Variants in SLC6A16 observed in about 807,000 individuals in gnomAD.
SLC6A16 encodes orphan sodium- and chloride-dependent neurotransmitter transporter NTT5.
Under a neutral mutation model 65.4 loss-of-function variants are expected in SLC6A16, and 54 were observed. The observed-to-expected ratio is 0.83, with a 90% CI of 0.66 to 1.04. The LOEUF (loss-of-function observed/expected upper bound fraction) is 1.04, where lower values mean the gene tolerates loss of function less well. Among genes scored for constraint, SLC6A16 ranks in the 50% least tolerant of loss-of-function variants. The pLI is 0.00. For missense variants in SLC6A16, 816 were observed against 914.0 expected, an observed-to-expected ratio of 0.89 and a Z score of 1.38; for synonymous variants, 330 against 346.5, an observed-to-expected ratio of 0.95 and a Z score of 0.53.
the SLC6A16 span, chr19:49,335,376 G>A: frequency 4.7e-6 from 3 of 637,070 alleles, no homozygotes; most frequent in African/African-American, 1.8e-5. This position sits in a 1 kb window ranked among gnomAD's most constrained non-coding sequence, Gnocchi z 4.6. Flanking sequence ...CATGAAGCGG[G>A]AGTGGGTGGA....
chr19:49,297,895 T>C (rs755019126), intron 7 of SLC6A16, among the ~76,000 whole-genome samples: 4 of 152,146 alleles, frequency 2.6e-5, no homozygotes, highest in Non-Finnish European at 5.9e-5. Flanking sequence ...ATCTAATCTA[T>C]GATGATAGAA....
rs758061581 is a variant in SLC6A16, at chr19:49,294,353, C to T, written c.1416+14G>A. On this transcript the variant is annotated intron_variant, in intron 8 of 11. Transcript: ENST00000335875. ...CAGGAACTCTAGGCTCCCCCCTCAG[C>T]TATGTTTACTGACCTTAAGAAACTG... is the stretch of plus-strand genomic sequence containing the variant. The T allele has an allele frequency of 6.2e-7, 1 of 1,612,794 alleles. No homozygotes were observed. Among genetic ancestry groups the T allele is most frequent in the South Asian group, 1.1e-5 (1 of 90,880 alleles).
chr19:49,338,344 C>T, the SLC6A16 span: 4 of 628,846 alleles, frequency 6.4e-6, no homozygotes, highest in Non-Finnish European at 7.9e-6. This position sits in a 1 kb window ranked among gnomAD's most constrained non-coding sequence, Gnocchi z 5.0. Context: ...CCCGTAGTGA[C>T]TCTGGCTTCC....
chr19:49,328,608 G>A (rs1016764147), upstream of SLC6A16, among the ~76,000 whole-genome samples: 1 of 152,212 alleles, frequency 6.6e-6, no homozygotes, highest in Admixed American at 6.5e-5. Flanking sequence ...GAATAGAGCC[G>A]ACATGATGTG....
At chr19:49,294,882 T>C (rs1832284836) in intron 7 of SLC6A16, among the ~76,000 whole-genome samples, 1 of 152,100 alleles carries the variant, frequency 6.6e-6, no homozygotes, top group South Asian at 2.1e-4. Context: ...AAGAGCCAAC[T>C]TTCTAAAGTT....
chr19:49,339,120 C>G, the SLC6A16 span, among the ~76,000 whole-genome samples: 5,158 of 152,052 alleles, frequency 0.034, 304 homozygotes, highest in African/African-American at 0.12. The surrounding 1 kb of genome is among the most constrained non-coding windows in gnomAD (Gnocchi z 4.5). Context: ...AAAGAAAAGG[C>G]TGGGCTGGCT....
At chr19:49,320,428 C>CAAA (rs756447935) in intron 1 of SLC6A16, among the ~76,000 whole-genome samples, 1 of 142,990 alleles carries the variant, frequency 7.0e-6, no homozygotes, top group Non-Finnish European at 1.5e-5. Context: ...AACAAACAAA[C>CAAA]AAAAAAAAAC....
the SLC6A16 span, chr19:49,336,964 C>T: frequency 7.2e-5 from 117 of 1,614,220 alleles, no homozygotes; most frequent in African/African-American, 1.5e-3. Flanking sequence ...TCTCAGGAAT[C>T]TTCACCATGG....
intron 1 of SLC6A16, among the ~76,000 whole-genome samples, chr19:49,317,535 C>T (rs191281436): frequency 1.8e-4 from 28 of 152,082 alleles, no homozygotes; most frequent in African/African-American, 6.5e-4. Flanking sequence ...GGCCAGGCGC[C>T]GTGGCTCACG....
chr19:49,337,418 G>A, the SLC6A16 span, among the ~76,000 whole-genome samples: 1 of 152,108 alleles, frequency 6.6e-6, no homozygotes, highest in Non-Finnish European at 1.5e-5. Context: ...TGGGAGTCCA[G>A]GAGTTTGAGA....
Position 49,308,956 on chromosome 19 carries a change from G to A in SLC6A16, c.1149C>T (p.Leu383=). The A allele has an allele frequency of 6.2e-7, 1 of 1,614,192 alleles. No individual in the cohort carries two copies. Residue 383 remains leucine (L), a synonymous_variant, in exon 7 of 12, where the codon CTC becomes CTT. Coordinates refer to ENST00000335875, the MANE Select transcript of SLC6A16 (RefSeq NM_014037.3). ...DAFLVSVINL[L]TLLVFTSFNF... ...TGAAAGATGTGAAAACCAACAAAGT[G>A]AGCAGGTTTATCACAGACACGAGAA...
the SLC6A16 span, chr19:49,338,140 C>T: frequency 6.7e-7 from 1 of 1,485,520 alleles, no homozygotes; most frequent in South Asian, 1.3e-5. The surrounding 1 kb of genome is among the most constrained non-coding windows in gnomAD (Gnocchi z 5.0). Flanking sequence ...TCCTAACACA[C>T]CCCAATCCCT....
At chr19:49,338,230 C>A in the SLC6A16 span, 1 of 1,421,972 alleles carries the variant, frequency 7.0e-7, no homozygotes, top group Non-Finnish European at 9.2e-7. The surrounding 1 kb of genome is among the most constrained non-coding windows in gnomAD (Gnocchi z 5.0). Flanking sequence ...CAGACCCTGG[C>A]GTGGCTTCGC....
Position 49,308,946 on chromosome 19 carries a change from C to G in SLC6A16, c.1159G>C (p.Val387Leu). The stretch of plus-strand genomic sequence containing the variant: ...ACACAGAAGTTGAAAGATGTGAAAA[C>G]CAACAAAGTGAGCAGGTTTATCACA... ...VSVINLLTLL[V>L]FTSFNFCVLG... Residue 387 changes from valine to leucine, a missense_variant, in exon 7 of 12, where the codon GTT (valine) becomes CTT (leucine). Val to Leu is a conservative substitution (Grantham distance 32). Coordinates refer to ENST00000335875, the MANE Select transcript of SLC6A16 (RefSeq NM_014037.3). 1 of 1,614,124 alleles carries G rather than the reference C, an allele frequency of 6.2e-7. No homozygotes were observed. The highest frequency in any genetic ancestry group is 8.5e-7 in the Non-Finnish European group (1 of 1,180,030).
the SLC6A16 span, chr19:49,335,521 G>A: frequency 4.4e-6 from 7 of 1,598,508 alleles, no homozygotes; most frequent in African/African-American, 1.3e-5. The surrounding 1 kb of genome is among the most constrained non-coding windows in gnomAD (Gnocchi z 4.6). Flanking sequence ...TGAGTGGACC[G>A]CTTACCCCAC....
the SLC6A16 span, chr19:49,340,114 T>C: frequency 7.1e-5 from 109 of 1,534,376 alleles, no homozygotes; most frequent in African/African-American, 1.4e-3. Flanking sequence ...GCCCCGCCCT[T>C]TTCTACCTAT....
In SLC6A16 at chr19:49,299,330, G is replaced by C. The variant is rs150255254; in HGVS notation, c.1230-4777C>G. 2.0e-5 allele frequency among the ~76,000 whole-genome samples: 3 copies of C among 151,376 alleles called. No homozygotes were observed. In the South Asian group the frequency reaches 6.2e-4, roughly 31 times the overall value. ...GCATTTTGGGAGGATGAGGCAAACC[G>C]ATCACTTGATGTCAGGAATTCGAGA... On this transcript the variant is annotated intron_variant, in intron 7 of 11. Transcript: ENST00000335875.
Position 49,297,936 on chromosome 19 carries a change from TGA to T in SLC6A16, c.1230-3385_1230-3384del, listed in dbSNP as rs1775059397. Among the ~76,000 whole-genome samples the T allele has an allele frequency of 2.0e-5, 3 of 151,332 alleles. No individual in the cohort carries two copies. The South Asian group carries it at 6.3e-4, about 32-fold the overall frequency. On this transcript the variant is annotated intron_variant, in intron 7 of 11. Transcript: ENST00000335875. Reference sequence around the variant, plus strand: ...ATTGGTGATTAATTGGGGCCAGGAGTGAGAGGAACATAGGTAGAAAATATGAG... The same window carrying T: ...ATTGGTGATTAATTGGGGCCAGGAGTGAGGAACATAGGTAGAAAATATGAG...
At chr19:49,290,445 G>A (rs1491001778) in intron 11 of SLC6A16, 53 bp from the exon 12 acceptor site, 2 of 1,587,218 alleles carry the variant, frequency 1.3e-6, no homozygotes, top group Non-Finnish European at 1.7e-6. Flanking sequence ...AAGAGAAAAG[G>A]AAGAGTTGTG....
Sources: gnomAD v4.1 joint callset for allele counts (sites outside exome capture counted in the v4.1 genomes callset) on GRCh38, gnomAD v4.1.1 for gene constraint, Gnocchi (gnomAD v3.1) non-coding constraint, MANE v1.5 for transcripts, NCBI Gene and HGNC (gene_info 2026-07-23, HGNC 2026-07-21) for gene names.